DAB1: variants seen among roughly 807,000 people sequenced by gnomAD.
The protein encoded by DAB1 is DAB adaptor protein 1.
DAB1 carries 15 observed loss-of-function variants against 64.6 expected under a neutral mutation model. That is an observed-to-expected ratio of 0.23 (90% confidence interval 0.16 to 0.36). The LOEUF is 0.36. Among genes scored for constraint, DAB1 ranks in the 10% least tolerant of loss-of-function variants. The probability of loss-of-function intolerance (pLI) is 1.00; values close to 1 mark genes in which losing one functional copy is unlikely to be tolerated. For missense variants in DAB1, 596 were observed against 706.7 expected, an observed-to-expected ratio of 0.84 and a Z score of 1.78; for synonymous variants, 235 against 251.9, an observed-to-expected ratio of 0.93 and a Z score of 0.64.
At chr1:57,197,675 G>A (rs1664744824) in intron 2 of DAB1, among the ~76,000 whole-genome samples, 1 of 152,172 alleles carries the variant, frequency 6.6e-6, no homozygotes, top group Non-Finnish European at 1.5e-5. Context: ...GAGAGCACAT[G>A]GTTTTACATC....
chr1:57,460,480 T>G (rs1158657167), intron 7 of DAB1, among the ~76,000 whole-genome samples: 2 of 152,144 alleles, frequency 1.3e-5, no homozygotes, highest in African/African-American at 4.8e-5. Context: ...CAAGGCCAAA[T>G]GTGAGCTCTG....
intron 5 of DAB1, among the ~76,000 whole-genome samples, chr1:58,131,707 G>A (rs377089475): frequency 2.8e-4 from 40 of 142,848 alleles, no homozygotes; most frequent in East Asian, 6.6e-4. Flanking sequence ...GTCTGTTGGA[G>A]TACCCTGCCG....
At chr1:58,313,155 A>G (rs1266993319) in intron 4 of DAB1, among the ~76,000 whole-genome samples, 2 of 152,264 alleles carry the variant, frequency 1.3e-5, no homozygotes, top group Admixed American at 1.3e-4. Context: ...AGTTTATGCA[A>G]ATAGAACCCA....
At chr1:57,689,941 T>G (rs1646743950) in intron 6 of DAB1, among the ~76,000 whole-genome samples, 1 of 152,156 alleles carries the variant, frequency 6.6e-6, no homozygotes, top group Non-Finnish European at 1.5e-5. Flanking sequence ...CATAATTCTA[T>G]TCTCTATCTC....
chr1:58,454,902 C>T (rs759854310), intron 3 of DAB1, among the ~76,000 whole-genome samples: 41 of 152,322 alleles, frequency 2.7e-4, no homozygotes, highest in Non-Finnish European at 4.7e-4. Flanking sequence ...TCCTACCACC[C>T]CAAGAGCAGA....
intron 4 of DAB1, among the ~76,000 whole-genome samples, chr1:57,121,574 A>G (rs1320552964): frequency 6.6e-6 from 1 of 152,050 alleles, no homozygotes; most frequent in Admixed American, 6.6e-5. Flanking sequence ...AAGAAAAAGA[A>G]AAAAGAAAAC....
intron 7 of DAB1, among the ~76,000 whole-genome samples, chr1:57,590,431 T>G (rs1035589913): frequency 6.6e-6 from 1 of 152,074 alleles, no homozygotes; most frequent in African/African-American, 2.4e-5. Context: ...GCGATTCTCC[T>G]GCCTCAGCCT....
In DAB1 at chr1:57,079,986, A is replaced by G. The variant is rs567174208; in HGVS notation, c.307-7572T>C. Among the ~76,000 whole-genome samples, 8 of 152,264 alleles carry G rather than the reference A, an allele frequency of 5.3e-5. No homozygotes were observed. The South Asian group carries it at 1.7e-3, about 32-fold the overall frequency. On this transcript the variant is annotated intron_variant, in intron 4 of 14. Transcript: ENST00000371236. ...GGCAGCAGCAGCATTTTCTTTTCTT[A>G]TCCTAAGCATCAAGTACAGTGCCTG...
At chr1:57,316,081 CT>C (rs1248025063) in intron 1 of DAB1, among the ~76,000 whole-genome samples, 1 of 152,136 alleles carries the variant, frequency 6.6e-6, no homozygotes. Context: ...GTGACGAAGC[CT>C]ATTGTCCAGT....
intron 7 of DAB1, among the ~76,000 whole-genome samples, chr1:57,524,317 G>T (rs1241508427): frequency 1.3e-5 from 2 of 152,142 alleles, no homozygotes; most frequent in African/African-American, 4.8e-5. Flanking sequence ...GGCTTACAAT[G>T]AAGCATATTA....
At chr1:57,386,865 T>C (rs190379293) in intron 1 of DAB1, 5 of 152,290 alleles carry the variant, frequency 3.3e-5, no homozygotes, top group East Asian at 3.9e-4. Flanking sequence ...AGCTGTAGAA[T>C]GATTCTGCTT....
intron 3 of DAB1, among the ~76,000 whole-genome samples, chr1:58,441,759 G>A (rs1417429271): frequency 1.3e-5 from 2 of 152,124 alleles, no homozygotes; most frequent in Non-Finnish European, 2.9e-5. Context: ...CCTTTTAGAC[G>A]GCCAGCTTCT....
rs373356690 is a variant in DAB1, at chr1:58,185,355, T to C, written n.310-34767A>G. Among the ~76,000 whole-genome samples, 57 of 152,290 alleles carry C rather than the reference T, an allele frequency of 3.7e-4. 1 individual carries two copies. In the East Asian group the frequency reaches 0.01, roughly 27 times the overall value. On this transcript the variant is annotated intron_variant and non_coding_transcript_variant, in intron 4 of 20. Transcript: ENST00000485760. ...TACACAAATGGGACCCCCAGCAGTA[T>C]TTTCCTGACATATCTCTAGGGCCTG...
rs1248769573 is a variant in DAB1, at chr1:56,997,258, G to A, written c.*886C>T. 1 of 152,142 alleles carries A rather than the reference G, an allele frequency of 6.6e-6. No individual in the cohort carries two copies. Among genetic ancestry groups the A allele is most frequent in the Admixed American group, 6.5e-5 (1 of 15,274 alleles). 9.4% of individuals were successfully genotyped at this position (152,142 alleles called of 1,614,324 possible). ...ATCATTTTATTGTACTTAGAGTTTA[G>A]AGCTTCTTAAGAAATCAGATGCATT... is the stretch of plus-strand genomic sequence containing the variant. On this transcript the variant is annotated 3_prime_UTR_variant, in exon 15 of 15. Transcript: ENST00000371236.
chr1:57,142,035 C>T (rs1198204574), intron 3 of DAB1, among the ~76,000 whole-genome samples: 1 of 152,238 alleles, frequency 6.6e-6, no homozygotes, highest in African/African-American at 2.4e-5. Context: ...ATATGTATCT[C>T]ATATGATCAA....
At position 58,144,795 on chromosome 1, in the gene DAB1, G is replaced by A. The variant is rs146286420; in HGVS notation, n.387+5716C>T. Among the ~76,000 whole-genome samples the A allele has an allele frequency of 3.8e-3, 577 of 152,276 alleles. 3 individuals carry two copies. The highest frequency in any genetic ancestry group is 4.2e-3 in the Non-Finnish European group (283 of 68,026). ...GAACACAAATGTCCTGATTGCCCAG[G>A]TCAGAGTTGTGCCATGCAGCCTGGG... On this transcript the variant is annotated intron_variant and non_coding_transcript_variant, in intron 5 of 20. Transcript: ENST00000485760.
At chr1:58,408,745 A>G (rs1292641678) in intron 3 of DAB1, among the ~76,000 whole-genome samples, 2 of 152,270 alleles carry the variant, frequency 1.3e-5, no homozygotes, top group African/African-American at 2.4e-5. Flanking sequence ...AGGTTTTCTG[A>G]GACGTGTTCT....
At chr1:57,818,990 A>T (rs991294243) in intron 6 of DAB1, among the ~76,000 whole-genome samples, 2 of 152,108 alleles carry the variant, frequency 1.3e-5, no homozygotes, top group Admixed American at 6.5e-5. Flanking sequence ...TGGTGCCCGA[A>T]ATTTAGTAAA....
intron 3 of DAB1, among the ~76,000 whole-genome samples, chr1:58,361,584 A>G (rs1352873432): frequency 2.0e-5 from 3 of 152,160 alleles, no homozygotes; most frequent in East Asian, 3.8e-4. Context: ...TTGATCAGGT[A>G]TAAGTTAGTG....
Sources: allele counts gnomAD v4.1 joint callset (sites outside exome capture counted in the v4.1 genomes callset), GRCh38; gene constraint gnomAD v4.1.1; transcripts MANE v1.5; gene names NCBI Gene and HGNC (gene_info 2026-07-23, HGNC 2026-07-21).